Variants in DEAF1 observed in about 807,000 individuals in gnomAD.
DEAF1 encodes DEAF1 transcription factor.
In DEAF1, 53 loss-of-function variants were observed where a neutral mutation model predicts 58.9. The observed-to-expected ratio is 0.90, with a 90% CI of 0.72 to 1.13. The LOEUF (loss-of-function observed/expected upper bound fraction) is 1.13. DEAF1 is among the 50% of genes most tolerant of loss of function. The probability of loss-of-function intolerance (pLI) is 0.00; values close to 1 mark genes in which losing one functional copy is unlikely to be tolerated. For missense variants in DEAF1, 685 were observed against 791.4 expected, an observed-to-expected ratio of 0.87 and a Z score of 1.61; for synonymous variants, 385 against 340.4, an observed-to-expected ratio of 1.13 and a Z score of -1.44.
At chr11:656,254 C>T (rs1414857764) in intron 10 of DEAF1, among the ~76,000 whole-genome samples, 1 of 151,724 alleles carries the variant, frequency 6.6e-6, no homozygotes, top group African/African-American at 2.4e-5. Flanking sequence ...CTTCCAGATT[C>T]GAGCAATGCT....
At chr11:661,970 G>A (rs1859338705) in intron 10 of DEAF1, among the ~76,000 whole-genome samples, 1 of 152,182 alleles carries the variant, frequency 6.6e-6, no homozygotes, top group African/African-American at 2.4e-5. Flanking sequence ...GGATGGCTTT[G>A]CATGAGGCCC....
chr11:692,957 G>A (rs1340259053), intron 1 of DEAF1, among the ~76,000 whole-genome samples: 3 of 152,172 alleles, frequency 2.0e-5, no homozygotes, highest in Non-Finnish European at 4.4e-5. Context: ...CCCGGCATGC[G>A]GCGCGCGGCC....
At position 671,816 on chromosome 11, in the gene DEAF1, C is replaced by G. The variant is rs148158825; in HGVS notation, c.1503+2720G>C. Among the ~76,000 whole-genome samples, 368 of 122,396 alleles carry G rather than the reference C, an allele frequency of 3.0e-3. 3 individuals carry two copies. The highest frequency in any genetic ancestry group is 0.011 in the African/African-American group (352 of 32,222). The allele number at this position is 122,396 out of a possible 152,430, so 80.3% of individuals were successfully genotyped here. On this transcript the variant is annotated intron_variant, in intron 10 of 11. Coordinates refer to ENST00000382409, the MANE Select transcript of DEAF1 (RefSeq NM_021008.4). ...CATGAGCCTAGGCAACAGAGTGAGA[C>G]CTTACCTCTTAAAAAAAAAAAAAAA...
intron 10 of DEAF1, among the ~76,000 whole-genome samples, chr11:669,086 A>G (rs1859686803): frequency 6.7e-6 from 1 of 149,762 alleles, no homozygotes; most frequent in Non-Finnish European, 1.5e-5. Flanking sequence ...CGGCCTCCCA[A>G]ACTGCTGGGA....
chr11:703,440 G>C, intron 1 of DEAF1: 1 of 1,288,244 alleles, frequency 7.8e-7, no homozygotes, highest in Non-Finnish European at 9.8e-7. Context: ...GTGGGGTCTG[G>C]CTTTAGCAGC....
chr11:702,034 G>A (rs1861520942), intron 1 of DEAF1, among the ~76,000 whole-genome samples: 1 of 152,194 alleles, frequency 6.6e-6, no homozygotes, highest in African/African-American at 2.4e-5. Flanking sequence ...CCAGGGCGCT[G>A]TGCCCCTGCC....
chr11:669,015 C>T (rs1001893120), intron 10 of DEAF1, among the ~76,000 whole-genome samples: 1 of 151,634 alleles, frequency 6.6e-6, no homozygotes, highest in African/African-American at 2.4e-5. Context: ...TTAGTAGAGA[C>T]GGGGTTTTAC....
At chr11:705,852 G>T (rs1313534919) in intron 1 of DEAF1, among the ~76,000 whole-genome samples, 1 of 152,212 alleles carries the variant, frequency 6.6e-6, no homozygotes, top group Non-Finnish European at 1.5e-5. Flanking sequence ...CGGCCTGCTG[G>T]GGCGCAGCTA....
rs1860696175 is a variant in DEAF1 at position 688,621 on chromosome 11, G to A, written c.388-161C>T. Among the ~76,000 whole-genome samples, 3 of 152,278 alleles carry A rather than the reference G, an allele frequency of 2.0e-5. No homozygotes were observed. The highest frequency in any genetic ancestry group is 1.9e-4 in the East Asian group (1 of 5,186). ...ATCTTTTCCAAAGATACCTCTCAAA[G>A]ACTTGAAAACAGAGCCAAGAACAAG... is the stretch of plus-strand genomic sequence containing the variant. On this transcript the variant is annotated intron_variant, in intron 2 of 11. Transcript: ENST00000382409. The surrounding 1 kb of genome is among the most constrained non-coding windows in gnomAD (Gnocchi z 4.3).
chr11:688,488 C>T lies in DEAF1; in HGVS notation c.388-28G>A, dbSNP rs1860691442. The T allele has an allele frequency of 6.2e-7, 1 of 1,612,854 alleles. No individual in the cohort carries two copies. Among genetic ancestry groups the T allele is most frequent in the African/African-American group, 1.3e-5 (1 of 74,908 alleles). ...AGAAGGAAAAACCGCTCCGTCAGGT[C>T]ACGTCCGAGAGTGACACCAGGCGTG... On this transcript the variant is annotated intron_variant, in intron 2 of 11. Coordinates refer to ENST00000382409, the MANE Select transcript of DEAF1 (RefSeq NM_021008.4). The surrounding 1 kb of genome is among the most constrained non-coding windows in gnomAD (Gnocchi z 4.3).
At chr11:700,088 C>A, upstream of DEAF1, 1 of 1,502,340 alleles carries the variant, frequency 6.7e-7, no homozygotes, top group Non-Finnish European at 9.2e-7. Flanking sequence ...GTTCAGCCAC[C>A]TGGGAGGCTG....
intron 10 of DEAF1, among the ~76,000 whole-genome samples, chr11:659,742 G>C (rs946187424): frequency 6.6e-6 from 1 of 152,192 alleles, no homozygotes; most frequent in African/African-American, 2.4e-5. Context: ...TCCTTTCCCG[G>C]CACTGCAGTG....
chr11:674,426 G>C (rs1859964565), intron 10 of DEAF1, 110 bp downstream of exon 10: 23 of 1,449,966 alleles, frequency 1.6e-5, no homozygotes, highest in Non-Finnish European at 8.7e-6. Context: ...CAGAAAGGTG[G>C]GGCAGGGGCC....
chr11:660,475 G>A (rs893987211), intron 10 of DEAF1, among the ~76,000 whole-genome samples: 4 of 152,178 alleles, frequency 2.6e-5, no homozygotes, highest in Non-Finnish European at 5.9e-5. Flanking sequence ...GCCTCACCCC[G>A]TCCCGGGCAC....
At chr11:677,973 A>G (rs1226676574) in intron 9 of DEAF1, among the ~76,000 whole-genome samples, 1 of 148,926 alleles carries the variant, frequency 6.7e-6, no homozygotes, top group Non-Finnish European at 1.5e-5. Context: ...AAAAAAAAAA[A>G]CAAAAAACGT....
intron 9 of DEAF1, among the ~76,000 whole-genome samples, chr11:676,909 C>T (rs1860105321): frequency 6.6e-6 from 1 of 152,216 alleles, no homozygotes; most frequent in Non-Finnish European, 1.5e-5. Flanking sequence ...TTTCAACACA[C>T]ACAGATTTGG....
intron 10 of DEAF1, among the ~76,000 whole-genome samples, chr11:664,365 A>T (rs1859444993): frequency 6.6e-6 from 1 of 152,096 alleles, no homozygotes; most frequent in African/African-American, 2.4e-5. Context: ...CACTGAGAGG[A>T]GGAAGACAGA....
chr11:656,661 G>A (rs942247839), intron 10 of DEAF1, among the ~76,000 whole-genome samples: 40 of 152,200 alleles, frequency 2.6e-4, no homozygotes, highest in Admixed American at 1.8e-3. Flanking sequence ...CGGCCCCCAC[G>A]CTGAGAAGGG....
At chr11:694,623 G>T in intron 1 of DEAF1, 136 bp downstream of exon 1, 2 of 818,116 alleles carry the variant, frequency 2.4e-6, no homozygotes, top group Non-Finnish European at 3.3e-6. Flanking sequence ...CAGGGCGGGT[G>T]GAGCGGGCTG....
Sources: gnomAD v4.1 joint callset for allele counts (sites outside exome capture counted in the v4.1 genomes callset) on GRCh38, gnomAD v4.1.1 for gene constraint, Gnocchi (gnomAD v3.1) non-coding constraint, MANE v1.5 for transcripts, NCBI Gene and HGNC (gene_info 2026-07-23, HGNC 2026-07-21) for gene names.